The following CADPS2 variants were observed in gnomAD, a reference collection of about 807,000 sequenced individuals.
The protein encoded by CADPS2 is calcium dependent secretion activator 2.
In CADPS2, 93 loss-of-function variants were observed where a neutral mutation model predicts 172.5. The ratio of observed to expected loss-of-function variants is 0.54; its 90% confidence interval spans 0.46 to 0.64. CADPS2 has a LOEUF of 0.64. CADPS2 is among the 30% of genes least tolerant of loss of function. The pLI is 0.00. For synonymous variants in CADPS2, 546 were observed against 555.2 expected, an observed-to-expected ratio of 0.98 and a Z score of 0.23; for missense variants, 1,420 against 1,565.9, an observed-to-expected ratio of 0.91 and a Z score of 1.57.
At chr7:122,329,367 C>A (rs954756287) in intron 28 of CADPS2, among the ~76,000 whole-genome samples, 28 of 152,094 alleles carry the variant, frequency 1.8e-4, no homozygotes, top group African/African-American at 6.3e-4. Flanking sequence ...GCAGCTGAGC[C>A]GGGCGGGATC....
At chr7:122,478,525 G>A (rs1362666044) in intron 12 of CADPS2, among the ~76,000 whole-genome samples, 2 of 152,170 alleles carry the variant, frequency 1.3e-5, no homozygotes, top group African/African-American at 4.8e-5. Flanking sequence ...AACCCAAATT[G>A]AGAAAGATTA....
intron 4 of CADPS2, among the ~76,000 whole-genome samples, chr7:122,625,764 T>TCC (rs767621796): frequency 2.0e-5 from 3 of 151,924 alleles, no homozygotes; most frequent in South Asian, 2.1e-4. Context: ...AATCTCTCTC[T>TCC]CTCTCTCTCC....
intron 8 of CADPS2, among the ~76,000 whole-genome samples, chr7:122,522,828 G>A (rs1367742902): frequency 6.6e-6 from 1 of 150,618 alleles, no homozygotes; most frequent in African/African-American, 2.4e-5. Flanking sequence ...TGTGCCATCT[G>A]TCTTTCTATG....
At chr7:122,654,092 C>G (rs2079475360) in intron 3 of CADPS2, among the ~76,000 whole-genome samples, 1 of 152,150 alleles carries the variant, frequency 6.6e-6, no homozygotes, top group Non-Finnish European at 1.5e-5. Flanking sequence ...TTGCACCAAA[C>G]AGCCAAATTG....
At chr7:122,644,252 A>G (rs1251339770) in intron 3 of CADPS2, among the ~76,000 whole-genome samples, 1 of 152,218 alleles carries the variant, frequency 6.6e-6, no homozygotes. Context: ...CCTCTTGGAT[A>G]ATTGCATTAT....
rs529186639 is a variant in CADPS2, at chr7:122,861,346, G to A, written c.339+24653C>T. Reference sequence around the variant, plus strand: ...CTGTGGTTTTGATTTGCATTTCCCCGATAATTAGTGATATTGAGCATTTTT... The same window carrying A: ...CTGTGGTTTTGATTTGCATTTCCCCAATAATTAGTGATATTGAGCATTTTT... On this transcript the variant is annotated intron_variant, in intron 1 of 29. Coordinates refer to ENST00000449022, the MANE Select transcript of CADPS2 (RefSeq NM_017954.11). Among the ~76,000 whole-genome samples, 23 of 152,230 alleles carry A rather than the reference G, an allele frequency of 1.5e-4. No individual in the cohort carries two copies. The East Asian group carries it at 2.3e-3, about 15-fold the overall frequency.
chr7:122,853,140 T>C (rs923930640), intron 1 of CADPS2, among the ~76,000 whole-genome samples: 1 of 152,206 alleles, frequency 6.6e-6, no homozygotes, highest in Non-Finnish European at 1.5e-5. Context: ...CTATTTCACA[T>C]GACTGAACCC....
At chr7:122,432,519 T>C (rs1195923395) in intron 17 of CADPS2, among the ~76,000 whole-genome samples, 1 of 151,614 alleles carries the variant, frequency 6.6e-6, no homozygotes, top group Non-Finnish European at 1.5e-5. Flanking sequence ...CAGATGCCTG[T>C]AATCCCAGCT....
chr7:122,810,840 T>A (rs1172867321), intron 1 of CADPS2, among the ~76,000 whole-genome samples: 2 of 152,244 alleles, frequency 1.3e-5, no homozygotes, highest in Non-Finnish European at 2.9e-5. Flanking sequence ...GTGATTCTCC[T>A]GCCCTGGCCT....
intron 3 of CADPS2, among the ~76,000 whole-genome samples, chr7:122,630,036 C>T (rs924434744): frequency 6.6e-6 from 1 of 152,196 alleles, no homozygotes; most frequent in East Asian, 1.9e-4. Context: ...ACTCATGATA[C>T]CTTTTCACCC....
At chr7:122,447,032 T>C (rs1219517743) in intron 15 of CADPS2, among the ~76,000 whole-genome samples, 3 of 3,296 alleles carry the variant, frequency 9.1e-4, no homozygotes, top group South Asian at 0.033. Flanking sequence ...TAGCTCCCTC[T>C]TTTTTTTTTT....
intron 9 of CADPS2, among the ~76,000 whole-genome samples, chr7:122,501,272 AC>A (rs781454993): frequency 5.3e-5 from 8 of 152,094 alleles, no homozygotes; most frequent in African/African-American, 1.2e-4. Flanking sequence ...AACAAAAAAA[AC>A]ATTATTACAT....
intron 17 of CADPS2, among the ~76,000 whole-genome samples, chr7:122,428,285 CTG>C (rs1327587645): frequency 3.9e-5 from 6 of 152,088 alleles, no homozygotes; most frequent in Non-Finnish European, 8.8e-5. Context: ...TGAATCAAGG[CTG>C]TGGTTGCAAA....
At chr7:122,789,246 T>C (rs1554433672) in intron 1 of CADPS2, among the ~76,000 whole-genome samples, 2 of 152,114 alleles carry the variant, frequency 1.3e-5, no homozygotes, top group Non-Finnish European at 1.5e-5. Flanking sequence ...CAGCCCAGAA[T>C]AGTCTATTCA....
chr7:122,486,693 AAAG>A (rs2057845642), intron 11 of CADPS2, among the ~76,000 whole-genome samples: 1 of 152,234 alleles, frequency 6.6e-6, no homozygotes, highest in South Asian at 2.1e-4. Flanking sequence ...TCCAATTTTC[AAAG>A]AAGTTCTACT....
At chr7:122,533,120 C>T (rs768063528) in intron 8 of CADPS2, among the ~76,000 whole-genome samples, 1 of 152,076 alleles carries the variant, frequency 6.6e-6, no homozygotes, top group Non-Finnish European at 1.5e-5. Context: ...TAAATTCCTA[C>T]ATATCTAATA....
At chr7:122,396,755 T>A (rs143215592) in intron 20 of CADPS2, among the ~76,000 whole-genome samples, 1,554 of 152,276 alleles carry the variant, frequency 0.01, 30 homozygotes, top group African/African-American at 0.035. Context: ...CCTGGACAGG[T>A]TTCCACTGTG....
At chr7:122,381,972 T>C (rs2043066554) in intron 24 of CADPS2, among the ~76,000 whole-genome samples, 1 of 152,110 alleles carries the variant, frequency 6.6e-6, no homozygotes. Context: ...TGCTGGGAAC[T>C]TTCAGAATCT....
intron 1 of CADPS2, among the ~76,000 whole-genome samples, chr7:122,875,520 C>A (rs1820985751): frequency 6.6e-6 from 1 of 152,012 alleles, no homozygotes. Flanking sequence ...AGATATATAG[C>A]AAACTTTTTA....
Sources: allele counts gnomAD v4.1 joint callset (sites outside exome capture counted in the v4.1 genomes callset), GRCh38; gene constraint gnomAD v4.1.1; transcripts MANE v1.5; gene names NCBI Gene and HGNC (gene_info 2026-07-23, HGNC 2026-07-21).